Variants in PPARG observed in about 807,000 individuals in gnomAD.
PPARG encodes the protein peroxisome proliferator activated receptor gamma, also known as peroxisome proliferator-activated receptor gamma.
Under a neutral mutation model 39.2 loss-of-function variants are expected in PPARG, and 17 were observed. That is an observed-to-expected ratio of 0.43 (90% confidence interval 0.30 to 0.65). PPARG has a LOEUF of 0.65. Ranked by LOEUF, PPARG falls within the 30% of genes least tolerant of loss-of-function variation. The pLI, the probability that PPARG is intolerant of heterozygous loss-of-function variation, is 0.13. For missense variants in PPARG, 406 were observed against 585.9 expected (o/e 0.69, Z 3.17); for synonymous variants, 223 against 215.7 (o/e 1.03, Z -0.30).
rs1436783727 is a variant in PPARG, at chr3:12,378,516, G to A, written c.-8-1188G>A. Among the ~76,000 whole-genome samples the A allele has an allele frequency of 5.9e-5, 9 of 152,040 alleles. 2 individuals are homozygous for A. Among genetic ancestry groups the A allele is most frequent in the Admixed American group, 5.2e-4 (8 of 15,264 alleles). ...AAGAGAAGGAAATCCTGTCATTTGC[G>A]ACAACAGAGATGAACCTAGAGGACG... On this transcript the variant is annotated intron_variant, in intron 2 of 7. Coordinates refer to ENST00000651735, the MANE Select transcript of PPARG (RefSeq NM_138711.6).
chr3:12,383,027 T>G (rs769498528), intron 4 of PPARG, among the ~76,000 whole-genome samples: 1 of 152,104 alleles, frequency 6.6e-6, no homozygotes, highest in Non-Finnish European at 1.5e-5. Context: ...TTACATGATC[T>G]CTAAAGTCCC....
At chr3:12,362,758 A>T (rs539364320) in intron 2 of PPARG, among the ~76,000 whole-genome samples, 1 of 152,008 alleles carries the variant, frequency 6.6e-6, no homozygotes, top group African/African-American at 2.4e-5. Context: ...AAGGCTTTAA[A>T]TATTTCACCA....
At chr3:12,393,993 C>G (rs547040609) in intron 5 of PPARG, among the ~76,000 whole-genome samples, 1 of 152,142 alleles carries the variant, frequency 6.6e-6, no homozygotes, top group Non-Finnish European at 1.5e-5. Context: ...CTTTCCTCAA[C>G]AATTGACTAC....
At chr3:12,304,308 T>C (rs1477459261) in intron 1 of PPARG, among the ~76,000 whole-genome samples, 1 of 152,216 alleles carries the variant, frequency 6.6e-6, no homozygotes, top group Non-Finnish European at 1.5e-5. Context: ...GAAATAACTT[T>C]TATTATTCAA....
In PPARG at chr3:12,433,928, T is replaced by C. The variant is rs896261519; in HGVS notation, c.1211T>C (p.Ile404Thr). Residue 404 changes from isoleucine (I) to threonine (T), a missense_variant, in exon 8 of 8, where the codon ATT becomes ACT. Ile to Thr is a moderately conservative substitution (Grantham distance 89, BLOSUM62 -1). This residue lies in a region of PPARG where 275 missense variants were observed against 458.0 expected (regional missense o/e 0.60). Coordinates refer to ENST00000651735, the MANE Select transcript of PPARG (RefSeq NM_138711.6). ...DRPGLLNVKP[I>T]EDIQDNLLQA... The stretch of plus-strand genomic sequence containing the variant: ...CCAGGTTTGCTGAATGTGAAGCCCA[T>C]TGAAGACATTCAAGACAACCTGCTA... 1 of 1,614,100 alleles carries C rather than the reference T, an allele frequency of 6.2e-7. No individual in the cohort carries two copies. The highest frequency in any genetic ancestry group is 8.5e-7 in the Non-Finnish European group (1 of 1,180,046).
chr3:12,397,139 A>C (rs947710788), intron 5 of PPARG, among the ~76,000 whole-genome samples: 1 of 151,958 alleles, frequency 6.6e-6, no homozygotes, highest in Non-Finnish European at 1.5e-5. Flanking sequence ...GCTGACTAGG[A>C]TGTCTTATTA....
chr3:12,396,044 G>A (rs893308519), intron 5 of PPARG, among the ~76,000 whole-genome samples: 7 of 152,146 alleles, frequency 4.6e-5, no homozygotes, highest in African/African-American at 1.7e-4. Flanking sequence ...GATTTTCAAA[G>A]TAGTCATTTT....
At chr3:12,351,674 G>C in intron 2 of PPARG, 1 of 1,603,244 alleles carries the variant, frequency 6.2e-7, no homozygotes, top group Non-Finnish European at 8.5e-7. Context: ...CATATCACAA[G>C]GTAAAGTTCC....
intron 1 of PPARG, among the ~76,000 whole-genome samples, chr3:12,294,880 T>G (rs769351765): frequency 1.3e-5 from 2 of 152,092 alleles, no homozygotes; most frequent in Non-Finnish European, 2.9e-5. Context: ...GCAACAAGAG[T>G]GAAACTCTGT....
At chr3:12,363,316 C>G (rs2048913154) in intron 2 of PPARG, among the ~76,000 whole-genome samples, 1 of 152,158 alleles carries the variant, frequency 6.6e-6, no homozygotes, top group Non-Finnish European at 1.5e-5. Context: ...TTTGAAGATA[C>G]TATATGGTAT....
intron 7 of PPARG, among the ~76,000 whole-genome samples, chr3:12,421,715 G>A (rs773689427): frequency 3.9e-5 from 6 of 152,292 alleles, no homozygotes; most frequent in South Asian, 2.1e-4. Context: ...TGCCATCGCC[G>A]TCCTAATGAC....
At chr3:12,298,789 G>C (rs965314498) in intron 1 of PPARG, among the ~76,000 whole-genome samples, 6 of 152,080 alleles carry the variant, frequency 3.9e-5, no homozygotes, top group Non-Finnish European at 7.4e-5. Flanking sequence ...TGATACCTTA[G>C]AGAATAGATC....
chr3:12,410,965 C>G (rs1405623681), intron 6 of PPARG, among the ~76,000 whole-genome samples: 1 of 152,152 alleles, frequency 6.6e-6, no homozygotes, highest in Non-Finnish European at 1.5e-5. Flanking sequence ...GAGAAAGGGG[C>G]TTAGGGACCC....
rs2050650797 is a variant in PPARG, at chr3:12,406,012, C to A, written c.660C>A (p.Tyr220Ter). 6.2e-7 allele frequency: 1 copy of A among 1,614,034 alleles called. No individual in the cohort carries two copies. Residue 220 changes from tyrosine to a stop codon, truncating the protein, a stop_gained, in exon 6 of 8, where the codon TAC becomes TAA. Transcript: ENST00000651735. LOFTEE classifies it high-confidence loss of function. ...TGGCAAAACATTTGTATGACTCATA[C>A]ATAAAGTCCTTCCCGCTGACCAAAG... ...RALAKHLYDS[Y>*]IKSFPLTKAK...
chr3:12,413,816 CAAAAAAAAAA>C (rs10575755), intron 6 of PPARG, among the ~76,000 whole-genome samples: 3 of 60,966 alleles, frequency 4.9e-5, no homozygotes, highest in African/African-American at 1.3e-4. Flanking sequence ...AACTCCATCT[CAAAAAAAAAA>C]AAAAAAAAAA....
At chr3:12,338,928 C>T (rs1012539362) in intron 2 of PPARG, among the ~76,000 whole-genome samples, 2 of 152,116 alleles carry the variant, frequency 1.3e-5, no homozygotes, top group African/African-American at 2.4e-5. Context: ...TAAAATCATA[C>T]ATATAATCTA....
chr3:12,351,135 G>A (rs2048473308), intron 2 of PPARG, among the ~76,000 whole-genome samples: 1 of 152,130 alleles, frequency 6.6e-6, no homozygotes. Context: ...AAGCTTTCTG[G>A]TATTTCATAA....
Position 12,379,915 on chromosome 3 carries a change from A to G in PPARG, c.204A>G (p.Lys68=). The change falls in exon 3 of 8, where the codon AAA becomes AAG. Residue 68 remains lysine (K), a synonymous_variant. Coordinates refer to ENST00000651735, the MANE Select transcript of PPARG (RefSeq NM_138711.6). ...TTGCAGATTACAAGTATGACCTGAA[A>G]CTTCAAGAGTACCAAAGTATGATGT... The part of the protein sequence containing the change: ...PVVADYKYDL[K]LQEYQSAIKV... 6.2e-7 allele frequency: 1 copy of G among 1,605,120 alleles called. No homozygotes were observed. Among genetic ancestry groups the G allele is most frequent in the Non-Finnish European group, 8.5e-7 (1 of 1,171,836 alleles).
In PPARG at chr3:12,416,760, C is replaced by G. The variant is rs776209503; in HGVS notation, c.786C>G (p.Phe262Leu). 6.2e-7 allele frequency: 1 copy of G among 1,614,044 alleles called. No individual in the cohort carries two copies. Among genetic ancestry groups the G allele is most frequent in the Non-Finnish European group, 8.5e-7 (1 of 1,179,972 alleles). The stretch of plus-strand genomic sequence containing the variant: ...TGATGGGAGAAGATAAAATCAAGTT[C>G]AAACACATCACCCCCCTGCAGGAGC... ...SLMMGEDKIK[F>L]KHITPLQEQS... Residue 262 changes from phenylalanine (F) to leucine (L), a missense_variant, in exon 7 of 8, where the codon TTC becomes TTG. Around this residue, in one of 2 missense-constraint regions of PPARG, gnomAD observed 275 missense variants for 458.0 expected, o/e 0.60. Coordinates refer to ENST00000651735, the MANE Select transcript of PPARG (RefSeq NM_138711.6).
Sources: gnomAD v4.1 joint callset for allele counts (sites outside exome capture counted in the v4.1 genomes callset) on GRCh38, gnomAD v4.1.1 for gene constraint, gnomAD v4.1.1 regional missense constraint, MANE v1.5 for transcripts, NCBI Gene and HGNC (gene_info 2026-07-23, HGNC 2026-07-21) for gene names.